CCDC178: variants seen among roughly 807,000 people sequenced by gnomAD.
CCDC178 encodes coiled-coil domain-containing protein 178.
A neutral mutation model predicts 117.4 loss-of-function variants in CCDC178; 126 were observed. The observed-to-expected ratio is 1.07, with a 90% CI of 0.93 to 1.24. The LOEUF is 1.24. CCDC178 is among the 50% of genes most tolerant of loss of function. The probability of loss-of-function intolerance (pLI) is 0.00; values close to 1 mark genes in which losing one functional copy is unlikely to be tolerated. For synonymous variants in CCDC178, 283 were observed against 313.4 expected (o/e 0.90, Z 1.02); for missense variants, 1,030 against 986.9 (o/e 1.04, Z -0.59).
At chr18:33,310,253 G>A (rs114051096) in intron 11 of CCDC178, among the ~76,000 whole-genome samples, 2 of 152,058 alleles carry the variant, frequency 1.3e-5, no homozygotes, top group African/African-American at 4.8e-5. Context: ...ACCACGCCTG[G>A]ACAATGACTG....
At chr18:33,163,196 GT>G (rs1209740949) in intron 20 of CCDC178, among the ~76,000 whole-genome samples, 3 of 151,964 alleles carry the variant, frequency 2.0e-5, no homozygotes, top group Non-Finnish European at 2.9e-5. Flanking sequence ...GATATTGAGC[GT>G]TTTTTTCATA....
At chr18:32,974,100 A>G (rs2054984517) in intron 22 of CCDC178, among the ~76,000 whole-genome samples, 1 of 152,130 alleles carries the variant, frequency 6.6e-6, no homozygotes, top group South Asian at 2.1e-4. Context: ...AAATAAAGTC[A>G]TTTCCAAATC....
intron 7 of CCDC178, among the ~76,000 whole-genome samples, chr18:33,351,849 G>A (rs192684464): frequency 1.9e-4 from 29 of 152,270 alleles, no homozygotes; most frequent in African/African-American, 6.7e-4. Flanking sequence ...TACTGTGCCC[G>A]GCCTGTCATG....
At chr18:33,428,874 C>A (rs2144960563) in intron 2 of CCDC178, among the ~76,000 whole-genome samples, 1 of 147,638 alleles carries the variant, frequency 6.8e-6, no homozygotes. Context: ...CAATTGTGTG[C>A]AGTAATGCTT....
intron 14 of CCDC178, among the ~76,000 whole-genome samples, chr18:33,263,426 C>A (rs2059774684): frequency 6.6e-6 from 1 of 152,090 alleles, no homozygotes; most frequent in South Asian, 2.1e-4. Flanking sequence ...AATCATAGGT[C>A]ATCCATATAA....
chr18:33,356,247 T>A, intron 7 of CCDC178, 77 bp downstream of exon 7: 2 of 1,346,244 alleles, frequency 1.5e-6, no homozygotes, highest in Non-Finnish European at 2.0e-6. Context: ...CTTTTGAAGT[T>A]AAACTGGATT....
chr18:33,245,907 A>G lies in CCDC178; in HGVS notation c.1410-479T>C, dbSNP rs9954163. On this transcript the variant is annotated intron_variant, in intron 14 of 22. Transcript: ENST00000383096. ...GGATGTCCTGTGCATTGTAAGTAAG[A>G]TATTTTGCAGCATCTTCCACTAGAT... Among the ~76,000 whole-genome samples, 1,348 of 151,972 alleles carry G rather than the reference A, an allele frequency of 8.9e-3. 18 individuals carry two copies. The highest frequency in any genetic ancestry group is 0.03 in the African/African-American group (1,253 of 41,472).
At chr18:33,428,761 GA>G (rs1343559294) in intron 2 of CCDC178, among the ~76,000 whole-genome samples, 1 of 125,836 alleles carries the variant, frequency 7.9e-6, no homozygotes, top group African/African-American at 3.0e-5. Context: ...AAAGAGAAAA[GA>G]AAAAAAGAAT....
At chr18:32,980,557 C>G (rs1399022935) in intron 21 of CCDC178, among the ~76,000 whole-genome samples, 6 of 95,502 alleles carry the variant, frequency 6.3e-5, no homozygotes, top group Non-Finnish European at 9.2e-5. Context: ...GGCGACAGAA[C>G]GAGACTCCGT....
intron 21 of CCDC178, among the ~76,000 whole-genome samples, chr18:33,025,099 C>T (rs2056200820): frequency 6.6e-6 from 1 of 152,116 alleles, no homozygotes; most frequent in Non-Finnish European, 1.5e-5. Context: ...AGGTCAACAA[C>T]TGTATATAAA....
intron 12 of CCDC178, among the ~76,000 whole-genome samples, chr18:33,285,009 AAAAG>A (rs1456146781): frequency 1.3e-5 from 2 of 152,114 alleles, no homozygotes; most frequent in African/African-American, 4.8e-5. Flanking sequence ...GCCTAAAGAA[AAAAG>A]AAAGAAATTG....
chr18:33,074,664 T>C (rs1301575633), intron 21 of CCDC178, among the ~76,000 whole-genome samples: 2 of 152,130 alleles, frequency 1.3e-5, no homozygotes, highest in African/African-American at 4.8e-5. Context: ...GTGTCATGGC[T>C]AAGGGAGAGT....
At chr18:33,414,968 C>T (rs2144909235) in intron 2 of CCDC178, among the ~76,000 whole-genome samples, 1 of 152,264 alleles carries the variant, frequency 6.6e-6, no homozygotes, top group Non-Finnish European at 1.5e-5. Flanking sequence ...CATCACTGGC[C>T]ATCAGAGAAA....
In CCDC178 at chr18:33,089,132, CA is replaced by C. The variant is rs1418345252; in HGVS notation, c.2388+3628del. Among the ~76,000 whole-genome samples, 9 of 152,050 alleles carry C rather than the reference CA, an allele frequency of 5.9e-5. No individual in the cohort carries two copies. In the East Asian group the frequency reaches 1.5e-3, roughly 26 times the overall value. ...AAGTGGCTCCAATGAAATAAAATTA[CA>C]AAAACAACTAGTGAATCAAATAATC... On this transcript the variant is annotated intron_variant, in intron 21 of 22. Transcript: ENST00000383096.
chr18:33,206,599 T>G (rs1434711833), intron 20 of CCDC178, among the ~76,000 whole-genome samples: 2 of 152,072 alleles, frequency 1.3e-5, no homozygotes, highest in Admixed American at 6.5e-5. Context: ...TAAAATAATT[T>G]TTTTCTAGAA....
At chr18:33,199,071 G>T (rs1475701157) in intron 20 of CCDC178, among the ~76,000 whole-genome samples, 1 of 151,346 alleles carries the variant, frequency 6.6e-6, no homozygotes, top group African/African-American at 2.4e-5. Context: ...GCCATTTCTC[G>T]GTAAACAAGC....
chr18:33,015,482 G>A (rs1598790761), intron 21 of CCDC178, among the ~76,000 whole-genome samples: 1 of 151,622 alleles, frequency 6.6e-6, no homozygotes. Flanking sequence ...GGAGAATGGC[G>A]TGAACCTGGG....
intron 20 of CCDC178, among the ~76,000 whole-genome samples, chr18:33,188,569 A>G (rs923679384): frequency 6.6e-6 from 1 of 152,242 alleles, no homozygotes; most frequent in East Asian, 1.9e-4. Context: ...TTTAAGGTGT[A>G]AAGGTACACA....
At chr18:33,043,630 T>C (rs951570917) in intron 21 of CCDC178, among the ~76,000 whole-genome samples, 2 of 152,078 alleles carry the variant, frequency 1.3e-5, no homozygotes, top group Admixed American at 1.3e-4. Flanking sequence ...AAAATAATTT[T>C]GTATAAATTA....
Sources: allele counts gnomAD v4.1 joint callset (sites outside exome capture counted in the v4.1 genomes callset), GRCh38; gene constraint gnomAD v4.1.1; transcripts MANE v1.5; gene names NCBI Gene and HGNC (gene_info 2026-07-23, HGNC 2026-07-21).